TMEM117: variants seen among roughly 807,000 people sequenced by gnomAD.
TMEM117 encodes transmembrane protein 117.
Under a neutral mutation model 52.4 loss-of-function variants are expected in TMEM117, and 27 were observed. The ratio of observed to expected loss-of-function variants is 0.51; its 90% CI spans 0.38 to 0.71. TMEM117 has a LOEUF of 0.71. TMEM117 is among the 30% of genes least tolerant of loss of function. The pLI, the probability that TMEM117 is intolerant of heterozygous loss-of-function variation, is 0.00. For missense variants in TMEM117, 556 were observed against 630.5 expected (o/e 0.88, Z 1.26); for synonymous variants, 215 against 206.3 (o/e 1.04, Z -0.36).
chr12:44,362,014 G>C (rs1242259381), intron 6 of TMEM117, among the ~76,000 whole-genome samples: 1 of 152,102 alleles, frequency 6.6e-6, no homozygotes, highest in East Asian at 1.9e-4. Flanking sequence ...CACTTGCTTT[G>C]CTCAATATTC....
intron 2 of TMEM117, among the ~76,000 whole-genome samples, chr12:43,882,831 C>CA (rs990758991): frequency 7.2e-5 from 11 of 151,834 alleles, no homozygotes; most frequent in Admixed American, 1.3e-4. Flanking sequence ...CTGGAATTGG[C>CA]AAAAAAATTC....
At chr12:43,965,215 G>A (rs1233196946) in intron 3 of TMEM117, among the ~76,000 whole-genome samples, 1 of 152,144 alleles carries the variant, frequency 6.6e-6, no homozygotes. Flanking sequence ...CAAAGGATGA[G>A]GTCATAAAGG....
chr12:43,915,474 A>G (rs55914098), intron 2 of TMEM117, among the ~76,000 whole-genome samples: 8,605 of 152,132 alleles, frequency 0.057, 287 homozygotes, highest in Middle Eastern at 0.13. Context: ...CACACCCATA[A>G]CTTTCCTTAA....
At chr12:44,191,345 G>GTCTA (rs752098603) in intron 4 of TMEM117, among the ~76,000 whole-genome samples, 65 of 151,882 alleles carry the variant, frequency 4.3e-4, no homozygotes, top group Admixed American at 9.8e-4. Context: ...GCCAAACCAT[G>GTCTA]TCTATCTATC....
chr12:43,840,087 T>C (rs1315523090), intron 1 of TMEM117, among the ~76,000 whole-genome samples: 1 of 152,230 alleles, frequency 6.6e-6, no homozygotes, highest in Non-Finnish European at 1.5e-5. Context: ...TGATTTTTTT[T>C]TTTAATATCA....
At chr12:43,903,167 AGTATT>A (rs1422855308) in intron 2 of TMEM117, among the ~76,000 whole-genome samples, 7 of 152,282 alleles carry the variant, frequency 4.6e-5, no homozygotes, top group Middle Eastern at 3.4e-3. Flanking sequence ...TTTCAGAAGA[AGTATT>A]GTATATATTT....
At chr12:44,095,121 A>T (rs1353354692) in intron 3 of TMEM117, among the ~76,000 whole-genome samples, 2 of 152,066 alleles carry the variant, frequency 1.3e-5, no homozygotes, top group African/African-American at 4.8e-5. Flanking sequence ...CTGTAGTGAA[A>T]AGCACTGTAA....
chr12:44,250,365 T>C lies in TMEM117; in HGVS notation c.608+38978T>C, dbSNP rs1055494529. Among the ~76,000 whole-genome samples, 5 of 152,108 alleles carry C rather than the reference T, an allele frequency of 3.3e-5. 1 individual carries two copies. The Middle Eastern group carries it at 0.01, about 313-fold the overall frequency. ...AGATACTGGCGAGGCTGTGGAGAAA[T>C]AGGAACGCTTTTACACTGCTGATGG... On this transcript the variant is annotated intron_variant, in intron 5 of 7. Transcript: ENST00000266534.
At chr12:43,917,281 G>C (rs997756554) in intron 2 of TMEM117, among the ~76,000 whole-genome samples, 1 of 149,784 alleles carries the variant, frequency 6.7e-6, no homozygotes, top group African/African-American at 2.4e-5. Flanking sequence ...CGAGCCTGTA[G>C]TCCTAGCTAT....
chr12:43,921,962 C>CT (rs1944701959), intron 2 of TMEM117, among the ~76,000 whole-genome samples: 1 of 152,068 alleles, frequency 6.6e-6, no homozygotes, highest in Admixed American at 6.6e-5. Context: ...CTGTCAACCT[C>CT]TAAAAGTGGA....
rs747061172 is a variant in TMEM117, at chr12:43,860,022, TTTC to T, written c.277+15103_277+15105del. 2.0e-4 allele frequency among the ~76,000 whole-genome samples: 30 copies of T among 152,226 alleles called. No homozygotes were observed. The East Asian group carries it at 3.9e-3, about 20-fold the overall frequency. The stretch of plus-strand genomic sequence containing the variant: ...CTATGAAGGTGTTAATGTCATTGAG[TTTC>T]TTCTTCTTATTATTATACTTTAAGT... On this transcript the variant is annotated intron_variant, in intron 2 of 7. Transcript: ENST00000266534.
At chr12:43,854,651 A>T (rs1047914526) in intron 2 of TMEM117, among the ~76,000 whole-genome samples, 22 of 147,746 alleles carry the variant, frequency 1.5e-4, no homozygotes, top group African/African-American at 2.9e-4. Flanking sequence ...TTTATTTATT[A>T]TTTTTTTTCT....
chr12:44,083,805 T>C (rs924385553), intron 3 of TMEM117: 2 of 152,170 alleles, frequency 1.3e-5, no homozygotes, highest in African/African-American at 4.8e-5. Flanking sequence ...TCTTTTAATA[T>C]TTTTATTACT....
chr12:43,909,338 A>G (rs550648694), intron 2 of TMEM117, among the ~76,000 whole-genome samples: 607 of 51,612 alleles, frequency 0.012, 37 homozygotes, highest in Middle Eastern at 0.025. Context: ...TCTGGGACGC[A>G]TTCAAAGCAG....
At chr12:43,961,576 A>C (rs1413973424) in intron 3 of TMEM117, among the ~76,000 whole-genome samples, 1 of 152,232 alleles carries the variant, frequency 6.6e-6, no homozygotes, top group Non-Finnish European at 1.5e-5. Flanking sequence ...TCCATAAATG[A>C]AAAGTAAATA....
intron 6 of TMEM117, among the ~76,000 whole-genome samples, chr12:44,319,309 C>G (rs982814907): frequency 6.6e-6 from 1 of 152,138 alleles, no homozygotes; most frequent in Admixed American, 6.5e-5. Flanking sequence ...TCTCAATGTC[C>G]CCAAGCCTCA....
intron 4 of TMEM117, among the ~76,000 whole-genome samples, chr12:44,167,340 A>C (rs1948981654): frequency 6.6e-6 from 1 of 152,160 alleles, no homozygotes; most frequent in Non-Finnish European, 1.5e-5. Context: ...TTTTGCCCCA[A>C]GTTGAATACA....
intron 4 of TMEM117, among the ~76,000 whole-genome samples, chr12:44,185,329 C>A (rs945071916): frequency 6.6e-6 from 1 of 151,922 alleles, no homozygotes; most frequent in Non-Finnish European, 1.5e-5. Context: ...TGTTCCATCA[C>A]GAAAATTAGA....
rs1039753652 is a variant in TMEM117 at position 44,299,713 on chromosome 12, G to A, written c.742G>A (p.Val248Ile). The change falls in exon 6 of 8, where the codon GTC becomes ATC. Residue 248 changes from valine to isoleucine, a missense_variant. Physicochemically the swap from Val to Ile is conservative, Grantham distance 29. Transcript: ENST00000266534. ...AGCATTCCTTGCTTCTTTTATCTTGGTCTTTGACCTTCTTATTGTGATGCA... is the reference window on the plus strand; with the variant it reads ...AGCATTCCTTGCTTCTTTTATCTTGATCTTTGACCTTCTTATTGTGATGCA... Reference protein sequence around the residue: ...SRAFLASFILVFDLLIVMQDW... With the variant: ...SRAFLASFILIFDLLIVMQDW... 1 of 1,613,952 alleles carries A rather than the reference G, an allele frequency of 6.2e-7. No individual in the cohort carries two copies. Among genetic ancestry groups the A allele is most frequent in the African/African-American group, 1.3e-5 (1 of 74,896 alleles).
Sources: gnomAD v4.1 joint callset for allele counts (sites outside exome capture counted in the v4.1 genomes callset) on GRCh38, gnomAD v4.1.1 for gene constraint, MANE v1.5 for transcripts, NCBI Gene and HGNC (gene_info 2026-07-23, HGNC 2026-07-21) for gene names.